The following CHODL variants were observed in gnomAD, a reference collection of about 807,000 sequenced individuals.
CHODL encodes chondrolectin.
A neutral mutation model predicts 34.5 loss-of-function variants in CHODL; 29 were observed. That is an observed-to-expected ratio of 0.84 (90% confidence interval 0.63 to 1.15). The LOEUF (loss-of-function observed/expected upper bound fraction) is 1.15, where lower values mean the gene tolerates loss of function less well. Ranked by LOEUF, CHODL falls within the 50% of genes most tolerant of loss-of-function variation. The pLI is 0.00. For missense variants in CHODL, 332 were observed against 332.5 expected (o/e 1.00, Z 0.01); for synonymous variants, 125 against 116.1 (o/e 1.08, Z -0.49).
At chr21:18,058,829 A>T (rs2064618170) in intron 2 of CHODL, among the ~76,000 whole-genome samples, 1 of 152,244 alleles carries the variant, frequency 6.6e-6, no homozygotes, top group Non-Finnish European at 1.5e-5. Flanking sequence ...CCTTTACAGG[A>T]TAATTCTCCC....
At chr21:18,028,399 G>A (rs1452833267) in intron 2 of CHODL, among the ~76,000 whole-genome samples, 1 of 149,376 alleles carries the variant, frequency 6.7e-6, no homozygotes, top group Non-Finnish European at 1.5e-5. Flanking sequence ...ATAAGATCAA[G>A]AACTAGACTT....
intron 2 of CHODL, among the ~76,000 whole-genome samples, chr21:18,130,453 T>C (rs2072641395): frequency 6.6e-6 from 1 of 152,214 alleles, no homozygotes; most frequent in African/African-American, 2.4e-5. Flanking sequence ...TTGAGGTGTT[T>C]TAATACTTTA....
intron 2 of CHODL, among the ~76,000 whole-genome samples, chr21:18,098,921 GCAA>G (rs2065175302): frequency 8.1e-6 from 1 of 123,448 alleles, no homozygotes; most frequent in Non-Finnish European, 2.0e-5. Flanking sequence ...TCTGTTATTT[GCAA>G]CAACATGGAT....
In CHODL at chr21:17,955,370, T is replaced by C. The variant is rs1022172445; in HGVS notation, c.-145+37970T>C. Among the ~76,000 whole-genome samples the C allele has an allele frequency of 3.6e-5, 5 of 137,412 alleles. 2 individuals carry two copies. Among genetic ancestry groups the C allele is most frequent in the South Asian group, 2.8e-4 (1 of 3,582 alleles). 90.1% of individuals were successfully genotyped at this position (137,412 alleles called of 152,430 possible). The stretch of plus-strand genomic sequence containing the variant: ...TTTTCCTGAGAAAAACCCTGACTTC[T>C]TTAGTAGGGGTTGTGCTATTATTGT... On this transcript the variant is annotated intron_variant, in intron 1 of 6. Transcript: ENST00000400127.
intron 2 of CHODL, among the ~76,000 whole-genome samples, chr21:18,176,609 A>G (rs866570868): frequency 7.2e-5 from 11 of 152,160 alleles, no homozygotes; most frequent in African/African-American, 2.7e-4. Flanking sequence ...ATCTAATGCT[A>G]TCTATTGTCC....
intron 2 of CHODL, among the ~76,000 whole-genome samples, chr21:18,203,461 CA>C (rs1392658335): frequency 2.6e-5 from 4 of 152,216 alleles, no homozygotes; most frequent in Admixed American, 2.6e-4. Flanking sequence ...AAATCTCCAT[CA>C]AAACATTATT....
chr21:17,964,022 A>T (rs2824579), intron 1 of CHODL, among the ~76,000 whole-genome samples: 27,398 of 152,176 alleles, frequency 0.18, 3,186 homozygotes, highest in African/African-American at 0.32. Flanking sequence ...TTCAGAGTAC[A>T]TAATCATACC....
At chr21:18,048,929 TAA>T (rs879589599) in intron 2 of CHODL, among the ~76,000 whole-genome samples, 5 of 151,800 alleles carry the variant, frequency 3.3e-5, no homozygotes, top group African/African-American at 1.2e-4. Context: ...CACATTTTTT[TAA>T]AAAAAATAGA....
intron 1 of CHODL, among the ~76,000 whole-genome samples, chr21:17,937,913 G>T (rs1161943439): frequency 6.6e-6 from 1 of 152,098 alleles, no homozygotes; most frequent in East Asian, 1.9e-4. Context: ...AGAAAACAAG[G>T]TACCTGTCTT....
At chr21:18,098,969 C>T (rs982715636) in intron 2 of CHODL, among the ~76,000 whole-genome samples, 1 of 152,042 alleles carries the variant, frequency 6.6e-6, no homozygotes. Flanking sequence ...TAAAACAAGT[C>T]AGGCATGGAA....
rs1251100473 is a variant in CHODL, at chr21:18,006,654, A to G, written c.-144-21218A>G. 2.6e-5 allele frequency among the ~76,000 whole-genome samples: 4 copies of G among 152,230 alleles called. No homozygotes were observed. In the East Asian group the frequency reaches 7.7e-4, roughly 29 times the overall value. ...TGATCTTGGAGTCAGAGCAAGTGGT[A>G]TTTTGGTTTAAAGTGATGAGATTAC... On this transcript the variant is annotated intron_variant, in intron 1 of 6. Coordinates refer to the CHODL transcript ENST00000400127.
chr21:17,973,388 C>T (rs1266355791), intron 1 of CHODL, among the ~76,000 whole-genome samples: 1 of 150,182 alleles, frequency 6.7e-6, no homozygotes, highest in African/African-American at 2.5e-5. Flanking sequence ...TTGCAATCTA[C>T]TATGCATTTT....
intron 2 of CHODL, among the ~76,000 whole-genome samples, chr21:18,111,467 A>G (rs1568892306): frequency 6.6e-6 from 1 of 152,100 alleles, no homozygotes; most frequent in Non-Finnish European, 1.5e-5. Flanking sequence ...GATGGTACAG[A>G]TTTTCCTTAG....
chr21:18,097,050 T>A (rs544702815), intron 2 of CHODL, among the ~76,000 whole-genome samples: 1 of 152,172 alleles, frequency 6.6e-6, no homozygotes, highest in South Asian at 2.1e-4. Flanking sequence ...CCTAAAAAAT[T>A]GGGTATAGAA....
At chr21:18,062,468 C>T (rs1473338691) in intron 2 of CHODL, among the ~76,000 whole-genome samples, 1 of 152,028 alleles carries the variant, frequency 6.6e-6, no homozygotes, top group East Asian at 1.9e-4. Context: ...CCTGGCCTCT[C>T]TCAAAGTGTA....
intron 2 of CHODL, among the ~76,000 whole-genome samples, chr21:18,065,430 T>G (rs1464157351): frequency 6.6e-6 from 1 of 152,212 alleles, no homozygotes; most frequent in Non-Finnish European, 1.5e-5. Context: ...ATTAACGGAA[T>G]GCACATAGTT....
intron 2 of CHODL, among the ~76,000 whole-genome samples, chr21:18,080,992 T>G (rs1358957171): frequency 6.6e-6 from 1 of 152,230 alleles, no homozygotes; most frequent in Non-Finnish European, 1.5e-5. Flanking sequence ...CCCATTTGTT[T>G]ATGTCATCTG....
At chr21:18,174,133 A>ATATATATATATATATATATCTTGG (rs1555879180) in intron 2 of CHODL, among the ~76,000 whole-genome samples, 5 of 17,834 alleles carry the variant, frequency 2.8e-4, no homozygotes, top group Non-Finnish European at 1.0e-3. Context: ...GTATATATAT[A>ATATATATATATATATATATCTTGG]TATATATATA....
At chr21:17,928,287 C>T (rs1437197111) in intron 1 of CHODL, among the ~76,000 whole-genome samples, 2 of 152,170 alleles carry the variant, frequency 1.3e-5, no homozygotes, top group Non-Finnish European at 2.9e-5. Flanking sequence ...GACTAGCACA[C>T]ATGAAAACAT....
Sources: gnomAD v4.1 joint callset for allele counts (sites outside exome capture counted in the v4.1 genomes callset) on GRCh38, gnomAD v4.1.1 for gene constraint, MANE v1.5 for transcripts, NCBI Gene and HGNC (gene_info 2026-07-23, HGNC 2026-07-21) for gene names.